Variants in TPCN2 observed in about 807,000 individuals in gnomAD.
The protein encoded by TPCN2 is two pore segment channel 2, also known as two pore channel protein 2.
TPCN2 carries 92 observed loss-of-function variants against 111.4 expected under a neutral mutation model. The observed-to-expected ratio is 0.83, with a 90% CI of 0.70 to 0.98. The LOEUF (loss-of-function observed/expected upper bound fraction) is 0.98. TPCN2 is among the 50% of genes least tolerant of loss of function. The pLI is 0.00. For synonymous variants in TPCN2, 405 were observed against 414.5 expected (o/e 0.98, Z 0.28); for missense variants, 995 against 980.1 (o/e 1.02, Z -0.20).
At chr11:69,086,698 A>G (rs1157877190) in intron 23 of TPCN2, 94 bp downstream of exon 23, 1 of 1,225,186 alleles carries the variant, frequency 8.2e-7, no homozygotes, top group African/African-American at 1.5e-5. Context: ...CCTGCCTGGA[A>G]CTTTGATGGG....
chr11:69,055,061 T>C, intron 3 of TPCN2, 114 bp from the exon 4 acceptor site: 2 of 1,163,434 alleles, frequency 1.7e-6, no homozygotes, highest in Non-Finnish European at 2.5e-6. Flanking sequence ...GTCACGAGTG[T>C]CCACGCTCAG....
At chr11:69,086,207 TG>T in intron 22 of TPCN2, among the ~76,000 whole-genome samples, 1 of 152,136 alleles carries the variant, frequency 6.6e-6, no homozygotes, top group Admixed American at 6.5e-5. Flanking sequence ...TCCATGGGGG[TG>T]GGGGAGCCCC....
intron 20 of TPCN2, 128 bp downstream of exon 20, chr11:69,085,414 C>T (rs1565096262): frequency 1.1e-6 from 1 of 945,554 alleles, no homozygotes; most frequent in Non-Finnish European, 1.7e-6. Flanking sequence ...TCCTTCGTCT[C>T]CTCCCTCCAC....
At chr11:69,049,908 G>A (rs1861145029) in intron 1 of TPCN2, among the ~76,000 whole-genome samples, 1 of 152,150 alleles carries the variant, frequency 6.6e-6, no homozygotes, top group East Asian at 1.9e-4. Context: ...CTGAGGCCCA[G>A]AGAGGCCCTG....
Position 69,055,280 on chromosome 11 carries a change from G to A in TPCN2, c.357G>A (p.Glu119=), listed in dbSNP as rs752580675. 1 of 1,614,010 alleles carries A rather than the reference G, an allele frequency of 6.2e-7. No individual in the cohort carries two copies. Among genetic ancestry groups the A allele is most frequent in the South Asian group, 1.1e-5 (1 of 91,068 alleles). Residue 119 remains glutamate, a synonymous_variant, in exon 4 of 25, where the codon GAG becomes GAA. Coordinates refer to ENST00000294309, the MANE Select transcript of TPCN2 (RefSeq NM_139075.4). ...ADVRYRAAPW[E]PPCGLTESVE... is the part of the protein sequence containing the mutation. ...TGCGCTACCGCGCTGCTCCCTGGGA[G>A]CCGCCCTGCGGCCTGACCGAGAGTG...
At chr11:69,079,581 T>G (rs905985981) in intron 16 of TPCN2, 58 of 488,440 alleles carry the variant, frequency 1.2e-4, no homozygotes, top group Non-Finnish European at 4.4e-5. Flanking sequence ...TGTCCTTGAC[T>G]CAGTATCTTC....
rs370156980 is a variant in TPCN2 at position 69,055,265 on chromosome 11, C to T, written c.342C>T (p.Arg114=). ...CCAGCACGGCGGACGTGCGCTACCG[C>T]GCTGCTCCCTGGGAGCCGCCCTGCG... is the stretch of plus-strand genomic sequence containing the variant. ...SLTSTADVRY[R]AAPWEPPCGL... Residue 114 remains arginine, a synonymous_variant, in exon 4 of 25, where the codon CGC becomes CGT. Transcript: ENST00000294309. 2.6e-5 allele frequency: 42 copies of T among 1,614,070 alleles called. No individual in the cohort carries two copies. The highest frequency in any genetic ancestry group is 2.7e-5 in the Non-Finnish European group (32 of 1,180,020).
In TPCN2 at chr11:69,071,964, C is replaced by G; in HGVS notation, c.1002C>G (p.Thr334=). 6.2e-7 allele frequency: 1 copy of G among 1,614,036 alleles called. No individual in the cohort carries two copies. Among genetic ancestry groups the G allele is most frequent in the South Asian group, 1.1e-5 (1 of 91,068 alleles). The change falls in exon 11 of 25, where the codon ACC becomes ACG. Residue 334 remains threonine (T), a synonymous_variant. Transcript: ENST00000294309. The part of the protein sequence containing the change: ...QTSLFRRRLG[T]RAAFEVLSSM... ...CGCTGTTTCGGAGGCGGCTGGGAAC[C>G]CGGGCTGCCTTTGAAGTCCTATCCT...
chr11:69,067,717 G>C (rs1449507922), intron 8 of TPCN2, 112 bp downstream of exon 8: 1 of 768,752 alleles, frequency 1.3e-6, no homozygotes, highest in Non-Finnish European at 2.1e-6. Context: ...CCTTTTTTTC[G>C]ATAAGTGGAG....
intron 4 of TPCN2, among the ~76,000 whole-genome samples, chr11:69,055,995 A>G (rs1854748595): frequency 6.6e-6 from 1 of 152,226 alleles, no homozygotes; most frequent in Non-Finnish European, 1.5e-5. Context: ...ACGTCCTCCC[A>G]CAAGCTGGAG....
At chr11:69,070,603 C>T (rs1855478875) in intron 9 of TPCN2, 108 bp downstream of exon 9, 3 of 823,464 alleles carry the variant, frequency 3.6e-6, no homozygotes, top group Non-Finnish European at 5.8e-6. Flanking sequence ...GTGTTTTTCA[C>T]TCCAGAGATC....
intron 18 of TPCN2, chr11:69,083,218 C>T (rs1856120656): frequency 6.5e-6 from 1 of 153,056 alleles, no homozygotes; most frequent in African/African-American, 2.4e-5. Context: ...ACAGCAGACC[C>T]TGCAATCATG....
intron 16 of TPCN2, 127 bp from the exon 17 acceptor site, chr11:69,079,707 C>G: frequency 1.2e-6 from 1 of 828,706 alleles, no homozygotes; most frequent in Non-Finnish European, 1.9e-6. Context: ...CAGGACCAAG[C>G]TCTGATTTCT....
At chr11:69,054,631 T>A in intron 2 of TPCN2, 90 bp from the exon 3 acceptor site, 1 of 1,235,010 alleles carries the variant, frequency 8.1e-7, no homozygotes. Flanking sequence ...AGCCTGAGAC[T>A]TGGGCCTGTC....
Position 69,088,164 on chromosome 11 carries a change from G to A in TPCN2, c.*211G>A, listed in dbSNP as rs900966108. ...GCTGCTGGTGCTTCAGGGAGGCGCC[G>A]TGCCCTCCGCTTTCTTTTATAGCTG... On this transcript the variant is annotated 3_prime_UTR_variant, in exon 25 of 25. Coordinates refer to ENST00000294309, the MANE Select transcript of TPCN2 (RefSeq NM_139075.4). 1.1e-5 allele frequency: 6 copies of A among 545,832 alleles called. No individual in the cohort carries two copies. Among genetic ancestry groups the A allele is most frequent in the South Asian group, 4.7e-5 (2 of 42,152 alleles). The allele number at this position is 545,832 out of a possible 1,614,324, so 33.8% of individuals were successfully genotyped here. A position where few individuals can be genotyped will look rare whatever the true frequency, so the allele number is the denominator to read the frequency against.
At chr11:69,053,635 C>G (rs981094999) in intron 1 of TPCN2, among the ~76,000 whole-genome samples, 9 of 152,124 alleles carry the variant, frequency 5.9e-5, no homozygotes, top group Admixed American at 5.2e-4. Flanking sequence ...ACAGTACCCT[C>G]TGGGGAGCCG....
chr11:69,067,653 CTG>C lies in TPCN2; in HGVS notation c.829+49_829+50del, dbSNP rs781450436. On this transcript the variant is annotated intron_variant, in intron 8 of 24. Transcript: ENST00000294309. ...ACCGTGGGGGTCGGTGAGCCCAGCA[CTG>C]GGGGGCCGGTTTGGGCTGCTGAGCC... 15 of 1,584,628 alleles carry C rather than the reference CTG, an allele frequency of 9.5e-6. No homozygotes were observed. The Admixed American group carries it at 2.5e-4, about 27-fold the overall frequency.
intron 7 of TPCN2, among the ~76,000 whole-genome samples, chr11:69,064,562 A>C (rs11228473): frequency 0.45 from 68,182 of 151,936 alleles, 15,795 homozygotes; most frequent in Non-Finnish European, 0.52. Context: ...CCTGTCCCCC[A>C]ACCCCGCTCC....
chr11:69,064,538 T>C (rs1472685848), intron 7 of TPCN2, among the ~76,000 whole-genome samples: 1 of 152,128 alleles, frequency 6.6e-6, no homozygotes, highest in Non-Finnish European at 1.5e-5. Context: ...CTCGTTGCTG[T>C]GTGGAGGCGT....
Sources: gnomAD v4.1 joint callset for allele counts (sites outside exome capture counted in the v4.1 genomes callset) on GRCh38, gnomAD v4.1.1 for gene constraint, MANE v1.5 for transcripts, NCBI Gene and HGNC (gene_info 2026-07-23, HGNC 2026-07-21) for gene names.